The following LMBRD1 variants were observed in gnomAD, a reference collection of about 807,000 sequenced individuals.
LMBRD1 encodes LMBR1 domain containing 1, also known as lysosomal cobalamin transport escort protein LMBD1.
A neutral mutation model predicts 74.8 loss-of-function variants in LMBRD1; 64 were observed. That is an observed-to-expected ratio of 0.86 (90% confidence interval 0.70 to 1.05). LMBRD1 has a LOEUF of 1.05. LMBRD1 is among the 50% of genes least tolerant of loss of function. The pLI is 0.00. For synonymous variants in LMBRD1, 204 were observed against 216.3 expected, an observed-to-expected ratio of 0.94 and a Z score of 0.50; for missense variants, 652 against 645.9, an observed-to-expected ratio of 1.01 and a Z score of -0.10.
intron 7 of LMBRD1, among the ~76,000 whole-genome samples, chr6:69,736,551 G>C (rs1327636359): frequency 6.6e-6 from 1 of 152,098 alleles, no homozygotes; most frequent in Non-Finnish European, 1.5e-5. Context: ...AAATATCCTA[G>C]GTCCTTCATA....
chr6:69,752,356 G>A lies in LMBRD1; in HGVS notation c.308C>T (p.Thr103Ile). The A allele has an allele frequency of 6.2e-7, 1 of 1,605,216 alleles. No homozygotes were observed. The highest frequency in any genetic ancestry group is 8.5e-7 in the Non-Finnish European group (1 of 1,172,742). The change falls in exon 4 of 16, where the codon ACT becomes ATT. Residue 103 changes from threonine to isoleucine, a missense_variant and splice_region_variant. Thr to Ile is a moderately conservative substitution (Grantham distance 89, BLOSUM62 -1). Transcript: ENST00000649934. Reference protein sequence around the residue: ...IEDTVLYGYYTLYSVILFCVF... With the variant: ...IEDTVLYGYYILYSVILFCVF... The stretch of plus-strand genomic sequence containing the variant: ...ACAGAACAATATAACAGAATATAAA[G>A]CTGTGGAAATAAATAATAAACCGAG...
chr6:69,766,077 G>A (rs1333319459), intron 3 of LMBRD1, among the ~76,000 whole-genome samples: 1 of 151,532 alleles, frequency 6.6e-6, no homozygotes. Context: ...CAGTTTGGAT[G>A]TATTTACTTA....
chr6:69,777,080 G>T (rs1265751462), intron 3 of LMBRD1, among the ~76,000 whole-genome samples: 1 of 152,050 alleles, frequency 6.6e-6, no homozygotes, highest in Non-Finnish European at 1.5e-5. Flanking sequence ...CCTGGGAGGC[G>T]AAGGTTGCAG....
At chr6:69,786,618 GTTAATTACTTTAGAAAA>G (rs1214089964) in intron 2 of LMBRD1, among the ~76,000 whole-genome samples, 1 of 151,812 alleles carries the variant, frequency 6.6e-6, no homozygotes, top group Non-Finnish European at 1.5e-5. Context: ...TATCTAAAAA[GTTAATTACTTTAGAAAA>G]GAAGCTAGAA....
Position 69,718,945 on chromosome 6 carries a change from C to T in LMBRD1, c.762+11G>A, listed in dbSNP as rs775270166. On this transcript the variant is annotated intron_variant, in intron 8 of 15. Transcript: ENST00000649934. ...TTTATGCTTCCCAATTACACCAAAACATCAACTCACTTTTGATTTAATCGT... is the reference window on the plus strand; with the variant it reads ...TTTATGCTTCCCAATTACACCAAAATATCAACTCACTTTTGATTTAATCGT... The T allele has an allele frequency of 3.1e-6, 5 of 1,613,054 alleles. No individual in the cohort carries two copies. In the Admixed American group the frequency reaches 5.0e-5, roughly 16 times the overall value.
At chr6:69,780,117 CTTTTT>C (rs34490213) in intron 3 of LMBRD1, among the ~76,000 whole-genome samples, 13 of 115,260 alleles carry the variant, frequency 1.1e-4, no homozygotes, top group African/African-American at 4.3e-4. Flanking sequence ...TGGGAGGGTC[CTTTTT>C]TTTTTTTTTT....
intron 7 of LMBRD1, among the ~76,000 whole-genome samples, chr6:69,729,469 C>G (rs761422152): frequency 1.1e-4 from 16 of 151,604 alleles, no homozygotes; most frequent in Non-Finnish European, 2.1e-4. Context: ...TGACTAAGTC[C>G]CAATTCTTTT....
At chr6:69,735,599 T>TA (rs1341623172) in intron 7 of LMBRD1, among the ~76,000 whole-genome samples, 1 of 152,234 alleles carries the variant, frequency 6.6e-6, no homozygotes, top group African/African-American at 2.4e-5. Flanking sequence ...AATATTAGTT[T>TA]AAAATGTTTC....
chr6:69,697,710 T>C (rs940420628), intron 13 of LMBRD1, 69 bp from the exon 14 acceptor site: 6 of 944,572 alleles, frequency 6.4e-6, no homozygotes, highest in Non-Finnish European at 1.0e-5. Flanking sequence ...TAAAAAGTAA[T>C]CACTATGAAC....
At chr6:69,759,824 A>C (rs1765340160) in intron 3 of LMBRD1, among the ~76,000 whole-genome samples, 1 of 152,174 alleles carries the variant, frequency 6.6e-6, no homozygotes, top group Non-Finnish European at 1.5e-5. Flanking sequence ...ATCTTTAAAA[A>C]ATTTCTTAAA....
intron 9 of LMBRD1, among the ~76,000 whole-genome samples, chr6:69,703,757 T>C (rs2149846495): frequency 6.6e-6 from 1 of 152,128 alleles, no homozygotes; most frequent in African/African-American, 2.4e-5. Context: ...AGAGGTAACA[T>C]CAATAAAAAT....
At chr6:69,702,031 G>C (rs1350333250) in intron 9 of LMBRD1, 78 bp from the exon 10 acceptor site, 1 of 829,534 alleles carries the variant, frequency 1.2e-6, no homozygotes, top group East Asian at 2.6e-5. Flanking sequence ...TATTCAATAT[G>C]AGTTGCTAGA....
chr6:69,710,863 T>C (rs184507549), intron 9 of LMBRD1, among the ~76,000 whole-genome samples: 1 of 152,296 alleles, frequency 6.6e-6, no homozygotes, highest in East Asian at 1.9e-4. Flanking sequence ...GCTGTGGGAA[T>C]GCAAAACGGT....
intron 3 of LMBRD1, among the ~76,000 whole-genome samples, chr6:69,767,230 ATTTT>A (rs1392908227): frequency 2.7e-5 from 4 of 147,304 alleles, no homozygotes; most frequent in African/African-American, 1.0e-4. Flanking sequence ...TCTAACCTTT[ATTTT>A]TCTTCTGCTT....
chr6:69,722,182 T>C (rs1766630387), intron 7 of LMBRD1, among the ~76,000 whole-genome samples: 1 of 152,130 alleles, frequency 6.6e-6, no homozygotes, highest in Admixed American at 6.5e-5. Context: ...CCTAGAATAG[T>C]ATATCCAGTG....
At chr6:69,779,179 C>CA (rs1765771426) in intron 3 of LMBRD1, among the ~76,000 whole-genome samples, 1 of 97,760 alleles carries the variant, frequency 1.0e-5, no homozygotes, top group Non-Finnish European at 1.7e-5. Context: ...GGGCGAGACT[C>CA]AGTCTCAAAA....
chr6:69,735,724 A>G (rs1234930300), intron 7 of LMBRD1, among the ~76,000 whole-genome samples: 2 of 152,186 alleles, frequency 1.3e-5, no homozygotes, highest in Non-Finnish European at 2.9e-5. Context: ...GAGCCACCAG[A>G]GTGATACTGT....
chr6:69,729,631 T>C (rs1182927517), intron 7 of LMBRD1, among the ~76,000 whole-genome samples: 1 of 152,068 alleles, frequency 6.6e-6, no homozygotes, highest in African/African-American at 2.4e-5. Flanking sequence ...ATATACTTAT[T>C]AGAAGAGCTG....
At position 69,676,132 on chromosome 6, in the gene LMBRD1, T is replaced by C. The variant is rs758279877; in HGVS notation, c.*26A>G. ...TGCATAACAGATATTCAGTCAGCATTATAAAACCTTTAAGACAGAAGGCTG... is the reference window on the plus strand; with the variant it reads ...TGCATAACAGATATTCAGTCAGCATCATAAAACCTTTAAGACAGAAGGCTG... On this transcript the variant is annotated 3_prime_UTR_variant, in exon 16 of 16. Coordinates refer to ENST00000649934, the MANE Select transcript of LMBRD1 (RefSeq NM_018368.4). 6.7e-5 allele frequency: 104 copies of C among 1,554,470 alleles called. No individual in the cohort carries two copies. Among genetic ancestry groups the C allele is most frequent in the Non-Finnish European group, 9.0e-5 (101 of 1,126,292 alleles).
Sources: allele counts gnomAD v4.1 joint callset (sites outside exome capture counted in the v4.1 genomes callset), GRCh38; gene constraint gnomAD v4.1.1; transcripts MANE v1.5; gene names NCBI Gene and HGNC (gene_info 2026-07-23, HGNC 2026-07-21).